OPRD1: variants seen among roughly 807,000 people sequenced by gnomAD.
OPRD1 encodes the protein delta-type opioid receptor.
In OPRD1, 19 loss-of-function variants were observed where a neutral mutation model predicts 17.5. That is an observed-to-expected ratio of 1.09 (90% CI 0.76 to 1.60). The LOEUF (loss-of-function observed/expected upper bound fraction) is 1.60. Among genes scored for constraint, OPRD1 ranks in the 40% most tolerant of loss-of-function variants. The pLI is 0.00. For synonymous variants in OPRD1, 256 were observed against 240.9 expected, an observed-to-expected ratio of 1.06 and a Z score of -0.58; for missense variants, 483 against 547.2, an observed-to-expected ratio of 0.88 and a Z score of 1.17.
chr1:28,854,612 G>T (rs2089038208), intron 1 of OPRD1, among the ~76,000 whole-genome samples: 2 of 152,012 alleles, frequency 1.3e-5, no homozygotes, highest in East Asian at 3.9e-4. Context: ...GAGCTGGTGA[G>T]GTTGGACTAA....
chr1:28,839,481 A>T lies in OPRD1; in HGVS notation c.228-19473A>T, dbSNP rs546138052. Among the ~76,000 whole-genome samples, 5 of 152,340 alleles carry T rather than the reference A, an allele frequency of 3.3e-5. No individual in the cohort carries two copies. In the East Asian group the frequency reaches 9.6e-4, roughly 29 times the overall value. ...CGAACAGCATTTGGGAATAAAATTA[A>T]TTCTAAATACTCCAGCAATCCACAC... On this transcript the variant is annotated intron_variant, in intron 1 of 2. Coordinates refer to ENST00000234961, the MANE Select transcript of OPRD1 (RefSeq NM_000911.4).
At chr1:28,846,854 C>CTTTTCTTTCTT (rs869108855) in intron 1 of OPRD1, among the ~76,000 whole-genome samples, 1 of 54,238 alleles carries the variant, frequency 1.8e-5, no homozygotes, top group Non-Finnish European at 4.1e-5. Flanking sequence ...TCTTTTCTTT[C>CTTTTCTTTCTT]TTTCTTTCTT....
chr1:28,863,238 C>T lies in OPRD1; in HGVS notation c.1074C>T (p.Thr358=). ...AREATARERV[T]ACTPSDGPGG... is the part of the protein sequence containing the mutation. ...AAGCCACGGCCCGCGAGCGTGTCAC[C>T]GCCTGCACCCCGTCCGATGGTCCCG... The change falls in exon 3 of 3, where the codon ACC becomes ACT. Residue 358 remains threonine, a synonymous_variant. Coordinates refer to ENST00000234961, the MANE Select transcript of OPRD1 (RefSeq NM_000911.4). The T allele has an allele frequency of 6.5e-7, 1 of 1,546,562 alleles. No homozygotes were observed. Among genetic ancestry groups the T allele is most frequent in the Non-Finnish European group, 8.6e-7 (1 of 1,156,104 alleles).
chr1:28,819,108 G>A (rs1413033544), intron 1 of OPRD1, among the ~76,000 whole-genome samples: 1 of 152,076 alleles, frequency 6.6e-6, no homozygotes, highest in Non-Finnish European at 1.5e-5. Context: ...AGAGAGCCAT[G>A]TGACCTTGGA....
In OPRD1 at chr1:28,871,103, T is replaced by A. The variant is rs1195494442; in HGVS notation, c.*7820T>A. 2 of 151,834 alleles carry A rather than the reference T, an allele frequency of 1.3e-5. No individual in the cohort carries two copies. Among genetic ancestry groups the A allele is most frequent in the African/African-American group, 4.8e-5 (2 of 41,278 alleles). 9.4% of individuals were successfully genotyped at this position (151,834 alleles called of 1,614,324 possible). A position where few individuals can be genotyped will look rare whatever the true frequency, so the allele number is the denominator to read the frequency against. The stretch of plus-strand genomic sequence containing the variant: ...AGACAGGGAAAAGAATGCCTGGGGG[T>A]CTGTAATAGGAGCTGCCCCAATTAG... On this transcript the variant is annotated 3_prime_UTR_variant, in exon 3 of 3. Transcript: ENST00000234961.
chr1:28,834,444 G>A lies in OPRD1; in HGVS notation c.227+21834G>A, dbSNP rs533178452. 4.2e-5 allele frequency among the ~76,000 whole-genome samples: 6 copies of A among 142,992 alleles called. No individual in the cohort carries two copies. In the South Asian group the frequency reaches 8.8e-4, roughly 21 times the overall value. The allele number at this position is 142,992 out of a possible 152,430, so 93.8% of individuals were successfully genotyped here. On this transcript the variant is annotated intron_variant, in intron 1 of 2. Transcript: ENST00000234961. ...CATCCAGGCTGGAATGTAGTAACTC[G>A]ATCTCGGTTCACTGCAACCTCCACC...
chr1:28,846,387 T>C (rs969345750), intron 1 of OPRD1, among the ~76,000 whole-genome samples: 3 of 152,054 alleles, frequency 2.0e-5, no homozygotes, highest in African/African-American at 7.2e-5. Flanking sequence ...GCTGTCTTCC[T>C]GGCCTCTAGA....
Position 28,812,523 on chromosome 1 carries a change from C to T in OPRD1, c.140C>T (p.Ala47Val). Reference protein sequence around the residue: ...PPGARSASSLALAIAITALYS... With the variant: ...PPGARSASSLVLAIAITALYS... ...GGCGCGCGGAGCGCCTCGTCCCTCG[C>T]CCTGGCAATCGCCATCACCGCGCTC... is the stretch of plus-strand genomic sequence containing the variant. Residue 47 changes from alanine to valine, a missense_variant, in exon 1 of 3, where the codon GCC (alanine) becomes GTC (valine). Transcript: ENST00000234961. 6.3e-7 allele frequency: 1 copy of T among 1,580,842 alleles called. No homozygotes were observed. The highest frequency in any genetic ancestry group is 8.5e-7 in the Non-Finnish European group (1 of 1,171,124).
At position 28,858,995 on chromosome 1, in the gene OPRD1, A is replaced by G; in HGVS notation, c.269A>G (p.Asn90Ser). 4 of 1,613,640 alleles carry G rather than the reference A, an allele frequency of 2.5e-6. No individual in the cohort carries two copies. The highest frequency in any genetic ancestry group is 2.5e-6 in the Non-Finnish European group (3 of 1,180,026). ...MKTATNIYIF[N>S]LALADALATS... ...ACGGCCACCAACATCTACATCTTCAACCTGGCCTTAGCCGATGCGCTGGCC... is the reference window on the plus strand; with the variant it reads ...ACGGCCACCAACATCTACATCTTCAGCCTGGCCTTAGCCGATGCGCTGGCC... Residue 90 changes from asparagine to serine, a missense_variant, in exon 2 of 3, where the codon AAC (asparagine) becomes AGC (serine). Asn to Ser is a conservative substitution (Grantham distance 46). Coordinates refer to ENST00000234961, the MANE Select transcript of OPRD1 (RefSeq NM_000911.4).
chr1:28,857,859 C>CT (rs1385415331), intron 1 of OPRD1, among the ~76,000 whole-genome samples: 1 of 152,068 alleles, frequency 6.6e-6, no homozygotes, highest in Non-Finnish European at 1.5e-5. Context: ...ATGGCACTAT[C>CT]TCGGCTCACT....
chr1:28,859,108 G>A lies in OPRD1; in HGVS notation c.382G>A (p.Asp128Asn). 6.2e-7 allele frequency: 1 copy of A among 1,614,160 alleles called. No homozygotes were observed. The highest frequency in any genetic ancestry group is 8.5e-7 in the Non-Finnish European group (1 of 1,180,038). Residue 128 changes from aspartate to asparagine, a missense_variant, in exon 2 of 3, where the codon GAC (aspartate) becomes AAC (asparagine). Transcript: ENST00000234961. Reference sequence around the variant, plus strand: ...GCTCTGCAAGGCTGTGCTCTCCATCGACTACTACAATATGTTCACCAGCAT... The same window carrying A: ...GCTCTGCAAGGCTGTGCTCTCCATCAACTACTACAATATGTTCACCAGCAT... ...ELLCKAVLSI[D>N]YYNMFTSIFT...
intron 1 of OPRD1, among the ~76,000 whole-genome samples, chr1:28,843,056 G>A (rs1285724334): frequency 6.6e-6 from 1 of 151,934 alleles, no homozygotes; most frequent in African/African-American, 2.4e-5. Context: ...CTTGTATGCT[G>A]CACGCTTTCA....
At chr1:28,851,604 G>A (rs1379773231) in intron 1 of OPRD1, among the ~76,000 whole-genome samples, 3 of 152,152 alleles carry the variant, frequency 2.0e-5, no homozygotes, top group African/African-American at 7.2e-5. Context: ...GGGCACCGTG[G>A]CTCACGCCTG....
intron 1 of OPRD1, among the ~76,000 whole-genome samples, chr1:28,847,750 G>C (rs1478537526): frequency 6.6e-6 from 1 of 152,064 alleles, no homozygotes; most frequent in East Asian, 1.9e-4. Context: ...AGGATCGCTT[G>C]AGCCCAGAAG....
intron 1 of OPRD1, among the ~76,000 whole-genome samples, chr1:28,835,164 T>C (rs2088841537): frequency 6.6e-6 from 1 of 152,306 alleles, no homozygotes; most frequent in African/African-American, 2.4e-5. Flanking sequence ...GCCACATCCT[T>C]GTGGGAGTCT....
At chr1:28,855,411 G>A (rs1279931493) in intron 1 of OPRD1, among the ~76,000 whole-genome samples, 1 of 152,154 alleles carries the variant, frequency 6.6e-6, no homozygotes. Context: ...AGATCCCAAA[G>A]GTAGTCGGGG....
intron 1 of OPRD1, among the ~76,000 whole-genome samples, chr1:28,815,617 G>A (rs1049166385): frequency 5.9e-5 from 9 of 152,210 alleles, no homozygotes; most frequent in African/African-American, 2.2e-4. Flanking sequence ...CACCCCAAGG[G>A]CAGTGGGGAG....
At chr1:28,854,422 G>C (rs1438833895) in intron 1 of OPRD1, among the ~76,000 whole-genome samples, 2 of 151,166 alleles carry the variant, frequency 1.3e-5, no homozygotes, top group African/African-American at 4.9e-5. Context: ...GTGTCTTGCT[G>C]TGTTGCCCAG....
chr1:28,844,971 C>T (rs1023818713), intron 1 of OPRD1, among the ~76,000 whole-genome samples: 1 of 152,060 alleles, frequency 6.6e-6, no homozygotes, highest in Non-Finnish European at 1.5e-5. Flanking sequence ...GTCTCAAACT[C>T]CTGACCTCAG....
Sources: gnomAD v4.1 joint callset for allele counts (sites outside exome capture counted in the v4.1 genomes callset) on GRCh38, gnomAD v4.1.1 for gene constraint, MANE v1.5 for transcripts, NCBI Gene and HGNC (gene_info 2026-07-23, HGNC 2026-07-21) for gene names.